The following GPAT4 variants were observed in gnomAD, a reference collection of about 807,000 sequenced individuals.
The protein encoded by GPAT4 is glycerol-3-phosphate acyltransferase 4.
Under a neutral mutation model 58.0 loss-of-function variants are expected in GPAT4, and 17 were observed. The observed-to-expected ratio is 0.29, with a 90% CI of 0.20 to 0.44. The LOEUF (loss-of-function observed/expected upper bound fraction) is 0.44. Among genes scored for constraint, GPAT4 ranks in the 20% least tolerant of loss-of-function variants. The pLI, the probability that GPAT4 is intolerant of heterozygous loss-of-function variation, is 1.00. For missense variants in GPAT4, 377 were observed against 574.5 expected (o/e 0.66, Z 3.51); for synonymous variants, 204 against 210.1 (o/e 0.97, Z 0.25).
intron 8 of GPAT4, among the ~76,000 whole-genome samples, chr8:41,613,815 C>G (rs1032227807): frequency 6.6e-6 from 1 of 152,114 alleles, no homozygotes. Flanking sequence ...ACTTGGGAGG[C>G]TGACGTGGGA....
chr8:41,597,197 A>G (rs1262925297), intron 1 of GPAT4, among the ~76,000 whole-genome samples: 5 of 152,234 alleles, frequency 3.3e-5, no homozygotes, highest in Non-Finnish European at 7.3e-5. Context: ...AATTGGGCAT[A>G]AGACAATATG....
Position 41,619,093 on chromosome 8 carries a change from G to A in GPAT4, c.1262+116G>A, listed in dbSNP as rs957776875. 1.5e-5 allele frequency: 20 copies of A among 1,298,894 alleles called. No homozygotes were observed. The Admixed American group carries it at 3.9e-4, about 25-fold the overall frequency. The allele number at this position is 1,298,894 out of a possible 1,614,324, so 80.5% of individuals were successfully genotyped here. ...GAATTAAACTTGTCAGCTCTAGAGAGAGCAGTTTGACTCTCCCCGAATTCC... is the reference window on the plus strand; with the variant it reads ...GAATTAAACTTGTCAGCTCTAGAGAAAGCAGTTTGACTCTCCCCGAATTCC... On this transcript the variant is annotated intron_variant, in intron 12 of 12. Transcript: ENST00000396987.
At chr8:41,594,337 C>T (rs1459823580) in intron 1 of GPAT4, among the ~76,000 whole-genome samples, 2 of 152,044 alleles carry the variant, frequency 1.3e-5, no homozygotes, top group African/African-American at 4.8e-5. Context: ...ATTTACATTC[C>T]TATGCCTGCT....
intron 2 of GPAT4, among the ~76,000 whole-genome samples, chr8:41,605,580 T>C (rs954908829): frequency 6.3e-5 from 8 of 126,312 alleles, no homozygotes; most frequent in Non-Finnish European, 1.2e-4. Flanking sequence ...GTTTGTTTGT[T>C]TGTTTGTTTT....
intron 10 of GPAT4, among the ~76,000 whole-genome samples, chr8:41,617,669 AC>A (rs1254565140): frequency 5.9e-5 from 9 of 152,308 alleles, no homozygotes; most frequent in African/African-American, 2.2e-4. Context: ...CACATGCAGG[AC>A]CCTGCCCTGG....
chr8:41,595,290 T>G (rs1340275751), intron 1 of GPAT4, among the ~76,000 whole-genome samples: 1 of 150,818 alleles, frequency 6.6e-6, no homozygotes, highest in Non-Finnish European at 1.5e-5. Flanking sequence ...ACCTGCTGGG[T>G]TAAGGGAATT....
intron 1 of GPAT4, among the ~76,000 whole-genome samples, chr8:41,590,354 G>T (rs1802758607): frequency 6.6e-6 from 1 of 152,198 alleles, no homozygotes; most frequent in Non-Finnish European, 1.5e-5. Flanking sequence ...CCCAAAGTGG[G>T]ATTACAGGCA....
At chr8:41,620,811 G>A (rs764486320) in intron 12 of GPAT4, 82 bp from the exon 13 acceptor site, 2 of 1,526,926 alleles carry the variant, frequency 1.3e-6, no homozygotes, top group African/African-American at 1.4e-5. Flanking sequence ...TTGGTGTTTG[G>A]GCAGCATGGT....
chr8:41,579,990 G>A (rs932468262), intron 1 of GPAT4, among the ~76,000 whole-genome samples: 1 of 152,152 alleles, frequency 6.6e-6, no homozygotes, highest in Non-Finnish European at 1.5e-5. Context: ...CTGAAATCTC[G>A]CCTCTGCCTC....
Position 41,587,100 on chromosome 8 carries a change from T to C in GPAT4, c.-849+8822T>C, listed in dbSNP as rs371831184. 4.6e-5 allele frequency among the ~76,000 whole-genome samples: 7 copies of C among 152,228 alleles called. No homozygotes were observed. In the South Asian group the frequency reaches 6.2e-4, roughly 14 times the overall value. On this transcript the variant is annotated intron_variant, in intron 1 of 12. Transcript: ENST00000396987. Reference sequence around the variant, plus strand: ...CAACTGTCCTGATTCAGAATTACTGTGAGAGTCTCAGTTTTTACTAATGCA... The same window carrying C: ...CAACTGTCCTGATTCAGAATTACTGCGAGAGTCTCAGTTTTTACTAATGCA...
intron 5 of GPAT4, 111 bp downstream of exon 5, chr8:41,610,921 A>T (rs1803422994): frequency 8.6e-7 from 1 of 1,163,014 alleles, no homozygotes; most frequent in Non-Finnish European, 1.2e-6. Context: ...ATGGAATCTT[A>T]GATGGATTAA....
At chr8:41,617,802 C>T (rs1233402853) in intron 10 of GPAT4, among the ~76,000 whole-genome samples, 1 of 152,216 alleles carries the variant, frequency 6.6e-6, no homozygotes, top group African/African-American at 2.4e-5. Flanking sequence ...GGTGTTTGCA[C>T]AAGGTCAGCC....
chr8:41,601,902 C>T (rs35698806), intron 2 of GPAT4, among the ~76,000 whole-genome samples: 12,347 of 152,242 alleles, frequency 0.081, 558 homozygotes, highest in Middle Eastern at 0.14. Context: ...CTTGAACCAA[C>T]AGAGACTATT....
At chr8:41,611,216 C>G (rs1803433923) in intron 5 of GPAT4, among the ~76,000 whole-genome samples, 1 of 152,222 alleles carries the variant, frequency 6.6e-6, no homozygotes, top group African/African-American at 2.4e-5. Flanking sequence ...CAGAGCGAGA[C>G]TCCATCTCAA....
At chr8:41,586,144 A>G (rs984963144) in intron 1 of GPAT4, among the ~76,000 whole-genome samples, 2 of 152,114 alleles carry the variant, frequency 1.3e-5, no homozygotes, top group African/African-American at 4.8e-5. Flanking sequence ...GTCTGTGTAG[A>G]TTTGCCTATT....
At position 41,620,928 on chromosome 8, in the gene GPAT4, C is replaced by G. The variant is rs143006137; in HGVS notation, c.1298C>G (p.Thr433Arg). Residue 433 changes from threonine (T) to arginine (R), a missense_variant, in exon 13 of 13, where the codon ACG becomes AGG. Transcript: ENST00000396987. ...GGLKREKVKDTFKEEQQKLYS... is the reference protein window; with the variant it reads ...GGLKREKVKDRFKEEQQKLYS... The stretch of plus-strand genomic sequence containing the variant: ...CTGAAGAGGGAGAAGGTGAAGGACA[C>G]GTTCAAGGAGGAGCAGCAGAAGCTG... 1.7e-4 allele frequency: 261 copies of G among 1,551,692 alleles called. No individual in the cohort carries two copies. The African/African-American group carries it at 2.7e-3, about 16-fold the overall frequency.
chr8:41,582,710 C>T (rs1295658987), intron 1 of GPAT4, among the ~76,000 whole-genome samples: 1 of 149,594 alleles, frequency 6.7e-6, no homozygotes, highest in East Asian at 2.0e-4. Flanking sequence ...TATCTCAAAA[C>T]ATCACATTGT....
At chr8:41,590,527 T>C (rs1802762341) in intron 1 of GPAT4, among the ~76,000 whole-genome samples, 1 of 152,190 alleles carries the variant, frequency 6.6e-6, no homozygotes, top group Admixed American at 6.5e-5. Flanking sequence ...CTTCCCAACC[T>C]CAGTGTCCTC....
At chr8:41,599,804 CTG>C (rs1469455125) in intron 2 of GPAT4, among the ~76,000 whole-genome samples, 1 of 152,168 alleles carries the variant, frequency 6.6e-6, no homozygotes, top group Non-Finnish European at 1.5e-5. Context: ...ACTTACCTGA[CTG>C]TTGAATTATA....
Sources: allele counts gnomAD v4.1 joint callset (sites outside exome capture counted in the v4.1 genomes callset), GRCh38; gene constraint gnomAD v4.1.1; transcripts MANE v1.5; gene names NCBI Gene and HGNC (gene_info 2026-07-23, HGNC 2026-07-21).